The following GPHN variants were observed in gnomAD, a reference collection of about 807,000 sequenced individuals.
The protein encoded by GPHN is gephyrin.
Under a neutral mutation model 95.5 loss-of-function variants are expected in GPHN, and 17 were observed. The observed-to-expected ratio is 0.18, with a 90% confidence interval of 0.12 to 0.27. The LOEUF (loss-of-function observed/expected upper bound fraction) is 0.27, where lower values mean the gene tolerates loss of function less well. Ranked by LOEUF, GPHN falls within the 10% of genes least tolerant of loss-of-function variation. The pLI, the probability that GPHN is intolerant of heterozygous loss-of-function variation, is 1.00. For missense variants in GPHN, 660 were observed against 978.1 expected (o/e 0.67, Z 4.34); for synonymous variants, 320 against 322.5 (o/e 0.99, Z 0.08).
chr14:66,682,749 C>CA (rs977072564), intron 2 of GPHN, among the ~76,000 whole-genome samples: 10 of 147,434 alleles, frequency 6.8e-5, no homozygotes, highest in Middle Eastern at 3.5e-3. Context: ...GGCTCCATCT[C>CA]AAAAAAAAAA....
chr14:67,340,862 G>A, the GPHN span, among the ~76,000 whole-genome samples: 1 of 152,210 alleles, frequency 6.6e-6, no homozygotes, highest in Non-Finnish European at 1.5e-5. Context: ...TTTTGGTGGA[G>A]ACGGGGTTTC....
chr14:67,674,231 G>A, the GPHN span: 1 of 668,974 alleles, frequency 1.5e-6, no homozygotes. Flanking sequence ...GAGACCTGGG[G>A]CTGGGACAAG....
At chr14:67,692,552 C>A in the GPHN span, 1 of 1,608,260 alleles carries the variant, frequency 6.2e-7, no homozygotes, top group Non-Finnish European at 8.5e-7. Context: ...GCCACCAATT[C>A]CCCCTTTTCC....
At chr14:67,340,645 T>G in the GPHN span, 1 of 784,052 alleles carries the variant, frequency 1.3e-6, no homozygotes. Flanking sequence ...TGCAGAGAAC[T>G]TGGAAAATAA....
At chr14:67,541,480 C>G in the GPHN span, among the ~76,000 whole-genome samples, 1 of 152,238 alleles carries the variant, frequency 6.6e-6, no homozygotes, top group African/African-American at 2.4e-5. Flanking sequence ...AGCACAGGGT[C>G]AGGCATATAA....
intron 21 of GPHN, among the ~76,000 whole-genome samples, chr14:67,177,055 G>A (rs1244075447): frequency 1.3e-5 from 2 of 151,952 alleles, no homozygotes; most frequent in Non-Finnish European, 2.9e-5. Context: ...TTTTTTGAAG[G>A]GTTTTTTGTG....
intron 2 of GPHN, among the ~76,000 whole-genome samples, chr14:66,722,924 C>T (rs1250825465): frequency 6.6e-6 from 1 of 152,128 alleles, no homozygotes; most frequent in African/African-American, 2.4e-5. Context: ...TTGGCACAAC[C>T]AGTCATTCTT....
At chr14:67,501,430 T>A in the GPHN span, among the ~76,000 whole-genome samples, 1 of 152,246 alleles carries the variant, frequency 6.6e-6, no homozygotes. Flanking sequence ...AGTGGCATGA[T>A]CATAGGTCAC....
the GPHN span, among the ~76,000 whole-genome samples, chr14:67,497,851 TC>T: frequency 6.6e-6 from 1 of 152,082 alleles, no homozygotes; most frequent in Non-Finnish European, 1.5e-5. Flanking sequence ...TGTTACATTC[TC>T]GGTGAGTCTA....
chr14:66,548,819 A>T (rs969648571), intron 1 of GPHN, among the ~76,000 whole-genome samples: 2 of 152,258 alleles, frequency 1.3e-5, no homozygotes, highest in African/African-American at 4.8e-5. Flanking sequence ...TGTGCCAAAT[A>T]GCCAAGTTGT....
intron 1 of GPHN, among the ~76,000 whole-genome samples, chr14:66,518,012 ATGGGAGAAAATATT>A (rs1345221175): frequency 6.6e-6 from 1 of 152,038 alleles, no homozygotes; most frequent in Non-Finnish European, 1.5e-5. Flanking sequence ...AGCCTATAGA[ATGGGAGAAAATATT>A]TGCAAACTGT....
chr14:66,744,246 A>G (rs1183972958), intron 2 of GPHN, among the ~76,000 whole-genome samples: 1 of 152,092 alleles, frequency 6.6e-6, no homozygotes, highest in Non-Finnish European at 1.5e-5. Context: ...TCTTTTCCAT[A>G]TTATTTTCCT....
chr14:67,317,762 C>G, the GPHN span, among the ~76,000 whole-genome samples: 2 of 152,198 alleles, frequency 1.3e-5, no homozygotes, highest in Admixed American at 6.5e-5. Context: ...TCTTACAGAA[C>G]ATACTTGAAG....
intron 3 of GPHN, among the ~76,000 whole-genome samples, chr14:66,810,368 T>G (rs1010465824): frequency 6.6e-6 from 1 of 151,684 alleles, no homozygotes; most frequent in Non-Finnish European, 1.5e-5. Context: ...AGATTTTTTT[T>G]GTTAAAGATT....
chr14:66,519,279 C>T (rs1166737876), intron 1 of GPHN, among the ~76,000 whole-genome samples: 1 of 151,900 alleles, frequency 6.6e-6, no homozygotes, highest in Admixed American at 6.6e-5. Flanking sequence ...CACATTACTT[C>T]TCTAGTTTCT....
intron 4 of GPHN, among the ~76,000 whole-genome samples, chr14:66,830,823 A>G: frequency 6.6e-6 from 1 of 152,028 alleles, no homozygotes; most frequent in South Asian, 2.1e-4. Context: ...AATTTTTTTC[A>G]CTTAGGTTAT....
At chr14:66,827,181 T>C (rs1307679016) in intron 4 of GPHN, among the ~76,000 whole-genome samples, 2 of 151,878 alleles carry the variant, frequency 1.3e-5, no homozygotes, top group Non-Finnish European at 2.9e-5. Context: ...GCTACTTGGG[T>C]AGCTGAGGCA....
the GPHN span, chr14:67,645,669 A>G: frequency 6.2e-7 from 1 of 1,613,914 alleles, no homozygotes; most frequent in Non-Finnish European, 8.5e-7. Context: ...ATTAGTGGCC[A>G]TGCCCGACAC....
intron 2 of GPHN, among the ~76,000 whole-genome samples, chr14:66,682,595 C>G (rs1330295281): frequency 6.6e-6 from 1 of 151,716 alleles, no homozygotes; most frequent in Non-Finnish European, 1.5e-5. Context: ...ACAAAAAATA[C>G]AAAAATTAGC....
Sources: allele counts gnomAD v4.1 joint callset (sites outside exome capture counted in the v4.1 genomes callset), GRCh38; gene constraint gnomAD v4.1.1; transcripts MANE v1.5; gene names NCBI Gene and HGNC (gene_info 2026-07-23, HGNC 2026-07-21).